Variants in SLC5A10 observed in about 807,000 individuals in gnomAD.
SLC5A10 encodes the protein solute carrier family 5 member 10.
Under a neutral mutation model 68.9 loss-of-function variants are expected in SLC5A10, and 55 were observed. That is an observed-to-expected ratio of 0.80 (90% CI 0.64 to 1.00). The LOEUF is 1.00. SLC5A10 is among the 50% of genes least tolerant of loss of function. The probability of loss-of-function intolerance (pLI) is 0.00; values close to 1 mark genes in which losing one functional copy is unlikely to be tolerated. For missense variants in SLC5A10, 732 were observed against 819.3 expected (o/e 0.89, Z 1.30); for synonymous variants, 344 against 344.8 (o/e 1.00, Z 0.02).
At chr17:18,963,756 G>A (rs892710395) in intron 5 of SLC5A10, among the ~76,000 whole-genome samples, 10 of 152,344 alleles carry the variant, frequency 6.6e-5, no homozygotes, top group African/African-American at 2.2e-4. Context: ...GCGATGGCAG[G>A]GCCTGGAGAA....
chr17:18,985,396 C>T (rs1211019594), intron 9 of SLC5A10, among the ~76,000 whole-genome samples: 5 of 152,222 alleles, frequency 3.3e-5, no homozygotes, highest in African/African-American at 9.6e-5. Flanking sequence ...TGGCACCTGA[C>T]ACCCCAAGGT....
chr17:18,965,278 G>A (rs2042688723), intron 5 of SLC5A10, among the ~76,000 whole-genome samples: 1 of 152,118 alleles, frequency 6.6e-6, no homozygotes, highest in Non-Finnish European at 1.5e-5. Context: ...GGGGAGTGTG[G>A]CAAAGGGGAG....
chr17:18,950,687 T>A (rs1325534919), upstream of SLC5A10: 7 of 985,352 alleles, frequency 7.1e-6, no homozygotes, highest in African/African-American at 7.0e-5. Flanking sequence ...TAGTCCTGTA[T>A]GTGAGGACTA....
At chr17:18,993,111 G>T (rs2043470368) in intron 9 of SLC5A10, among the ~76,000 whole-genome samples, 1 of 152,158 alleles carries the variant, frequency 6.6e-6, no homozygotes, top group African/African-American at 2.4e-5. Context: ...AACCACGGGT[G>T]CACAGGCCCA....
chr17:18,979,592 ACTT>A, intron 9 of SLC5A10: 1 of 1,613,442 alleles, frequency 6.2e-7, no homozygotes, highest in Non-Finnish European at 8.5e-7. Context: ...ACAAACATGA[ACTT>A]CTGGGCCAGG....
intron 7 of SLC5A10, 92 bp downstream of exon 7, chr17:18,969,514 G>A (rs180965985): frequency 6.0e-5 from 75 of 1,249,842 alleles, no homozygotes; most frequent in African/African-American, 4.9e-4. Flanking sequence ...GATTCATGCC[G>A]TTGGGGTTCT....
intron 13 of SLC5A10, 37 bp from the exon 14 acceptor site, chr17:19,020,118 C>CGG: frequency 6.8e-7 from 1 of 1,462,896 alleles, no homozygotes; most frequent in Non-Finnish European, 9.6e-7. Context: ...CCCTGCCATC[C>CGG]CCCACCCCCA....
intron 9 of SLC5A10, among the ~76,000 whole-genome samples, chr17:18,994,984 A>G (rs542265946): frequency 3.2e-4 from 48 of 152,256 alleles, no homozygotes; most frequent in Non-Finnish European, 4.0e-4. Context: ...AAAGCTTGAC[A>G]GGAAGCCACA....
Position 18,968,370 on chromosome 17 carries a change from T to A in SLC5A10, c.454-682T>A, listed in dbSNP as rs1415994001. Among the ~76,000 whole-genome samples, 1 of 152,200 alleles carries A rather than the reference T, an allele frequency of 6.6e-6. No homozygotes were observed. Among genetic ancestry groups the A allele is most frequent in the Non-Finnish European group, 1.5e-5 (1 of 68,018 alleles). On this transcript the variant is annotated intron_variant, in intron 5 of 14. Transcript: ENST00000395645. This position sits in a 1 kb window ranked among gnomAD's most constrained non-coding sequence, Gnocchi z 4.1. ...CCTGCCCTTCCTCTCACTGGGCCCC[T>A]ACTGCCAGGTGGAGGGTGGGATTCT...
upstream of SLC5A10, chr17:18,951,887 G>A: frequency 3.1e-6 from 1 of 319,962 alleles, no homozygotes; most frequent in Non-Finnish European, 5.8e-6. Flanking sequence ...GGACTATTTG[G>A]GCTGCCTCCG....
Position 18,960,568 on chromosome 17 carries a change from C to T in SLC5A10, c.369C>T (p.Tyr123=), listed in dbSNP as rs138879652. Residue 123 remains tyrosine (Y), a synonymous_variant, in exon 5 of 15, where the codon TAC becomes TAT. Coordinates refer to ENST00000395645, the MANE Select transcript of SLC5A10 (RefSeq NM_001042450.4). ...ISSEIVTLPE[Y]IQKRYGGQRI... Reference sequence around the variant, plus strand: ...CCCAGATCGTCACCTTACCTGAGTACATTCAGAAGCGCTACGGGGGCCAGC... The same window carrying T: ...CCCAGATCGTCACCTTACCTGAGTATATTCAGAAGCGCTACGGGGGCCAGC... The T allele has an allele frequency of 3.7e-6, 6 of 1,614,000 alleles. No individual in the cohort carries two copies. The African/African-American group carries it at 8.0e-5, about 22-fold the overall frequency.
At position 19,019,573 on chromosome 17, in the gene SLC5A10, GCGA is replaced by G; in HGVS notation, c.1395_1397del (p.Arg466del). Reference sequence around the variant, plus strand: ...CAGTCTTTGTCCTGGGCGTCTTCTGGCGACGTGCCAACGAGCAGGTGGGCGTCG... The same window carrying G: ...CAGTCTTTGTCCTGGGCGTCTTCTGGCGTGCCAACGAGCAGGTGGGCGTCG... On this transcript the variant is annotated inframe_deletion, in exon 12 of 15. Coordinates refer to ENST00000395645, the MANE Select transcript of SLC5A10 (RefSeq NM_001042450.4). The G allele has an allele frequency of 6.2e-7, 1 of 1,611,748 alleles. No homozygotes were observed. Among genetic ancestry groups the G allele is most frequent in the Non-Finnish European group, 8.5e-7 (1 of 1,179,930 alleles).
intron 5 of SLC5A10, among the ~76,000 whole-genome samples, chr17:18,962,343 G>A (rs1052791690): frequency 2.6e-5 from 4 of 152,184 alleles, no homozygotes; most frequent in African/African-American, 9.7e-5. Flanking sequence ...GAGGTGGGAA[G>A]AGGCAGGATG....
intron 9 of SLC5A10, among the ~76,000 whole-genome samples, chr17:19,012,780 C>T (rs1041027185): frequency 2.0e-5 from 3 of 152,162 alleles, no homozygotes; most frequent in Admixed American, 2.0e-4. Flanking sequence ...AATAGCCTGG[C>T]GTAAAGCTTG....
At chr17:18,977,679 G>T in intron 9 of SLC5A10, 1 of 1,610,534 alleles carries the variant, frequency 6.2e-7, no homozygotes. Context: ...GAGCCACCCT[G>T]GGGTCCAACA....
intron 1 of SLC5A10, among the ~76,000 whole-genome samples, chr17:18,956,537 C>T (rs1416168829): frequency 2.1e-5 from 3 of 143,122 alleles, no homozygotes; most frequent in South Asian, 2.2e-4. Context: ...AGGGCAGTGG[C>T]GCCATCTTGG....
intron 1 of SLC5A10, chr17:18,953,929 A>T (rs1361664762): frequency 2.0e-5 from 3 of 152,254 alleles, no homozygotes; most frequent in Admixed American, 2.0e-4. Context: ...CTCAACCTGT[A>T]TGTGATTAAA....
At position 19,020,318 on chromosome 17, in the gene SLC5A10, C is replaced by T. The variant is rs373277424; in HGVS notation, c.1685-7C>T. 38 of 1,614,022 alleles carry T rather than the reference C, an allele frequency of 2.4e-5. No individual in the cohort carries two copies. In the African/African-American group the frequency reaches 4.8e-4, roughly 20 times the overall value. ...ATCTGTCCCTCTCCTTCTGCAACCC[C>T]CTCCAGGTGATGGCCAAACACCCCA... On this transcript the variant is annotated splice_polypyrimidine_tract_variant and splice_region_variant and intron_variant, in intron 14 of 14. Transcript: ENST00000395645.
At chr17:18,973,037 T>C (rs1422285286) in intron 8 of SLC5A10, among the ~76,000 whole-genome samples, 3 of 152,214 alleles carry the variant, frequency 2.0e-5, no homozygotes, top group Non-Finnish European at 4.4e-5. Context: ...GGGAGGGCTT[T>C]CCAGGGAACA....
Sources: gnomAD v4.1 joint callset for allele counts (sites outside exome capture counted in the v4.1 genomes callset) on GRCh38, gnomAD v4.1.1 for gene constraint, Gnocchi (gnomAD v3.1) non-coding constraint, MANE v1.5 for transcripts, NCBI Gene and HGNC (gene_info 2026-07-23, HGNC 2026-07-21) for gene names.